TRIO: variants seen among roughly 807,000 people sequenced by gnomAD.
TRIO encodes the protein triple functional domain protein.
In TRIO, 58 loss-of-function variants were observed where a neutral mutation model predicts 351.9. The observed-to-expected ratio is 0.16, with a 90% CI of 0.13 to 0.21. The LOEUF is 0.21. TRIO is among the 10% of genes least tolerant of loss of function. The probability of loss-of-function intolerance (pLI) is 1.00; values close to 1 mark genes in which losing one functional copy is unlikely to be tolerated. For missense variants in TRIO, 3,201 were observed against 4,027.8 expected (o/e 0.79, Z 5.56); for synonymous variants, 1,758 against 1,595.7 (o/e 1.10, Z -2.42).
Position 14,471,346 on chromosome 5 carries a change from T to G in TRIO, c.5792T>G (p.Leu1931Arg), listed in dbSNP as rs749979050. ...CTGGAGGATCGCCCCAGCTCACTCC[T>G]TGTTGACCAGGGAGATAGTAGCAGC... is the stretch of plus-strand genomic sequence containing the variant. Reference protein sequence around the residue: ...MALEDRPSSLLVDQGDSSSPS... With the variant: ...MALEDRPSSLRVDQGDSSSPS... The change falls in exon 38 of 57, where the codon CTT becomes CGT. Residue 1931 changes from leucine to arginine, a missense_variant. Physicochemically the swap from Leu to Arg is moderately radical, Grantham distance 102. Around this residue, in one of 19 missense-constraint regions of TRIO, gnomAD observed 307 missense variants for 396.5 expected, o/e 0.77. Coordinates refer to ENST00000344204, the MANE Select transcript of TRIO (RefSeq NM_007118.4). 1.9e-6 allele frequency: 3 copies of G among 1,613,994 alleles called. No homozygotes were observed. The highest frequency in any genetic ancestry group is 2.5e-6 in the Non-Finnish European group (3 of 1,180,006).
chr5:14,507,385 G>C, intron 56 of TRIO, 125 bp downstream of exon 56: 9 of 1,368,096 alleles, frequency 6.6e-6, no homozygotes, highest in Non-Finnish European at 8.9e-6. Context: ...AGGGTGGGTG[G>C]GGCAGCGCAG....
At chr5:14,443,331 G>A (rs1752207576) in intron 34 of TRIO, among the ~76,000 whole-genome samples, 1 of 152,122 alleles carries the variant, frequency 6.6e-6, no homozygotes, top group African/African-American at 2.4e-5. Context: ...GCATATGCGT[G>A]TGTGTGTAGA....
chr5:14,306,512 T>C (rs904147763), intron 8 of TRIO, among the ~76,000 whole-genome samples: 1 of 152,204 alleles, frequency 6.6e-6, no homozygotes, highest in African/African-American at 2.4e-5. Flanking sequence ...CAAATGACCC[T>C]GTTACTCACA....
In TRIO at chr5:14,358,238, G is replaced by A. The variant is rs2152335923; in HGVS notation, c.2107G>A (p.Val703Met). ...ELLDDVYAESVEAVQDLIKRF... is the reference protein window; with the variant it reads ...ELLDDVYAESMEAVQDLIKRF... ...GCTGGACGACGTGTATGCCGAGTCG[G>A]TGGAGGCCGTGCAGGACCTCATCAA... Residue 703 changes from valine to methionine, a missense_variant, in exon 12 of 57, where the codon GTG becomes ATG. Val to Met is a conservative substitution (Grantham distance 21). This residue lies in a region of TRIO where 363 missense variants were observed against 553.5 expected (regional missense o/e 0.66). Coordinates refer to ENST00000344204, the MANE Select transcript of TRIO (RefSeq NM_007118.4). 1 of 1,614,190 alleles carries A rather than the reference G, an allele frequency of 6.2e-7. No individual in the cohort carries two copies. The highest frequency in any genetic ancestry group is 8.5e-7 in the Non-Finnish European group (1 of 1,180,018).
intron 1 of TRIO, among the ~76,000 whole-genome samples, chr5:14,158,987 CT>C (rs1372221488): frequency 1.3e-5 from 2 of 152,100 alleles, no homozygotes; most frequent in African/African-American, 4.8e-5. Flanking sequence ...AACATTATAC[CT>C]GAGGAAATGG....
intron 1 of TRIO, among the ~76,000 whole-genome samples, chr5:14,246,793 TTC>T (rs1794464714): frequency 6.6e-6 from 1 of 152,226 alleles, no homozygotes; most frequent in Non-Finnish European, 1.5e-5. Flanking sequence ...TGTGCTCTGC[TTC>T]TGTCTCTGCA....
chr5:14,148,960 C>T (rs191827605), intron 1 of TRIO, among the ~76,000 whole-genome samples: 9 of 152,330 alleles, frequency 5.9e-5, no homozygotes, highest in Admixed American at 2.0e-4. Context: ...TCTGCTGACG[C>T]GCTGTTCAGT....
rs748596743 is a variant in TRIO, at chr5:14,496,976, C to T, written c.7978C>T (p.Arg2660Trp). 8.7e-6 allele frequency: 14 copies of T among 1,614,066 alleles called. No individual in the cohort carries two copies. The highest frequency in any genetic ancestry group is 1.6e-4 in the Middle Eastern group (1 of 6,084). ...KREGKLENGY[R>W]KSREGLSNKV... is the part of the protein sequence containing the mutation. The stretch of plus-strand genomic sequence containing the variant: ...GGAAGGCAAGTTAGAGAACGGTTAT[C>T]GGAAGTCACGGGAAGGACTCAGCAA... The change falls in exon 50 of 57, where the codon CGG (arginine) becomes TGG (tryptophan). Residue 2660 changes from arginine to tryptophan, a missense_variant. This residue lies in a region of TRIO where 1,089 missense variants were observed against 954.9 expected (regional missense o/e 1.14). Coordinates refer to ENST00000344204, the MANE Select transcript of TRIO (RefSeq NM_007118.4).
chr5:14,235,834 AT>A (rs1033192495), intron 1 of TRIO, among the ~76,000 whole-genome samples: 4 of 151,760 alleles, frequency 2.6e-5, no homozygotes, highest in Non-Finnish European at 4.4e-5. Flanking sequence ...ATTAAAAAAA[AT>A]TTTTTTTATT....
rs1054647404 is a variant in TRIO at position 14,406,086 on chromosome 5, ATTTTGAGGAATACATTT to A, written c.4859+100_4859+116del. On this transcript the variant is annotated intron_variant, in intron 32 of 56. Coordinates refer to ENST00000344204, the MANE Select transcript of TRIO (RefSeq NM_007118.4). ...GCTTCAAAAATCCTTTCTCTCAAAC[ATTTTGAGGAATACATTT>A]TTTAAACTGCCATTTGTGGATAACA... 25 of 1,485,530 alleles carry A rather than the reference ATTTTGAGGAATACATTT, an allele frequency of 1.7e-5. No homozygotes were observed. The Admixed American group carries it at 5.2e-4, about 31-fold the overall frequency. The allele number at this position is 1,485,530 out of a possible 1,614,324, so 92.0% of individuals were successfully genotyped here.
rs1444245255 is a variant in TRIO at position 14,507,328 on chromosome 5, C to A, written c.8751+68C>A. ...CGGCTTGGCCATGCGGGACACAGAG[C>A]CCCCTCTGAAGCCAGGCCAGGAGCC... On this transcript the variant is annotated intron_variant, in intron 56 of 56. Transcript: ENST00000344204. 5 of 1,586,138 alleles carry A rather than the reference C, an allele frequency of 3.2e-6. No homozygotes were observed. In the African/African-American group the frequency reaches 5.4e-5, roughly 17 times the overall value.
chr5:14,420,487 C>T (rs2152389992), intron 34 of TRIO: 1 of 154,158 alleles, frequency 6.5e-6, no homozygotes, highest in East Asian at 1.9e-4. Flanking sequence ...TTCTCAGGAC[C>T]TAAATGTGAG....
At chr5:14,467,737 C>G (rs1341735022) in intron 37 of TRIO, among the ~76,000 whole-genome samples, 1 of 152,012 alleles carries the variant, frequency 6.6e-6, no homozygotes, top group Admixed American at 6.6e-5. Flanking sequence ...CACCTGAGCC[C>G]AGGAGGTTGA....
At chr5:14,222,306 G>A (rs1792691450) in intron 1 of TRIO, among the ~76,000 whole-genome samples, 1 of 152,144 alleles carries the variant, frequency 6.6e-6, no homozygotes, top group Admixed American at 6.5e-5. Context: ...AGAAAGTTGT[G>A]TGACTCGCTT....
chr5:14,185,882 T>G (rs1207919737), intron 1 of TRIO, among the ~76,000 whole-genome samples: 1 of 152,180 alleles, frequency 6.6e-6, no homozygotes, highest in Non-Finnish European at 1.5e-5. Context: ...GAGTTTTTCA[T>G]CTTCCAATTG....
intron 1 of TRIO, among the ~76,000 whole-genome samples, chr5:14,157,007 T>A (rs1387746126): frequency 6.6e-6 from 1 of 152,202 alleles, no homozygotes; most frequent in South Asian, 2.1e-4. Context: ...CATCTTCATC[T>A]CAATGTACAA....
chr5:14,292,934 G>A, intron 5 of TRIO, 78 bp from the exon 6 acceptor site: 6 of 1,598,952 alleles, frequency 3.8e-6, no homozygotes, highest in East Asian at 2.2e-5. Context: ...CCCTTTCTTG[G>A]TACTGCCCCA....
At chr5:14,392,239 A>AG (rs1447270439) in intron 27 of TRIO, among the ~76,000 whole-genome samples, 2 of 138,942 alleles carry the variant, frequency 1.4e-5, no homozygotes, top group African/African-American at 3.4e-5. Context: ...CAAATTTACA[A>AG]GAAAAAAAAA....
intron 11 of TRIO, among the ~76,000 whole-genome samples, chr5:14,340,911 C>G (rs1741887139): frequency 6.6e-6 from 1 of 152,170 alleles, no homozygotes; most frequent in African/African-American, 2.4e-5. Context: ...AAATTTCAGC[C>G]CATTTGCCCC....
Sources: gnomAD v4.1 joint callset for allele counts (sites outside exome capture counted in the v4.1 genomes callset) on GRCh38, gnomAD v4.1.1 for gene constraint, gnomAD v4.1.1 regional missense constraint, MANE v1.5 for transcripts, NCBI Gene and HGNC (gene_info 2026-07-23, HGNC 2026-07-21) for gene names.